Variants in EVA1C observed in about 807,000 individuals in gnomAD.
EVA1C encodes the protein protein eva-1 homolog C.
EVA1C carries 25 observed loss-of-function variants against 45.4 expected under a neutral mutation model. That is an observed-to-expected ratio of 0.55 (90% CI 0.40 to 0.77). The LOEUF (loss-of-function observed/expected upper bound fraction) is 0.77. Ranked by LOEUF, EVA1C falls within the 30% of genes least tolerant of loss-of-function variation. The pLI, the probability that EVA1C is intolerant of heterozygous loss-of-function variation, is 0.00. For synonymous variants in EVA1C, 190 were observed against 221.2 expected (o/e 0.86, Z 1.25); for missense variants, 479 against 554.8 (o/e 0.86, Z 1.37).
At chr21:32,469,680 A>C (rs1246339786) in intron 4 of EVA1C, among the ~76,000 whole-genome samples, 1 of 152,132 alleles carries the variant, frequency 6.6e-6, no homozygotes, top group East Asian at 1.9e-4. Context: ...GAGACCCAGG[A>C]AAGAGTTGAG....
At chr21:32,512,773 C>T (rs2037998379) in intron 7 of EVA1C, among the ~76,000 whole-genome samples, 1 of 152,072 alleles carries the variant, frequency 6.6e-6, no homozygotes, top group Non-Finnish European at 1.5e-5. Flanking sequence ...TTTTCCAAGA[C>T]AGAGAAGTTG....
chr21:32,460,644 C>T (rs756129995), intron 3 of EVA1C, among the ~76,000 whole-genome samples: 11 of 152,096 alleles, frequency 7.2e-5, no homozygotes, highest in South Asian at 2.1e-4. Context: ...CATCCAGTCC[C>T]GTGGGGCCTG....
intron 1 of EVA1C, among the ~76,000 whole-genome samples, chr21:32,435,781 T>G (rs754255141): frequency 3.3e-5 from 5 of 152,294 alleles, no homozygotes; most frequent in Non-Finnish European, 7.3e-5. Context: ...TAAAGCATTT[T>G]CTTTCTTCTG....
At position 32,465,652 on chromosome 21, in the gene EVA1C, C is replaced by A. The variant is rs139196188; in HGVS notation, c.482-2044C>A. On this transcript the variant is annotated intron_variant, in intron 3 of 7. Coordinates refer to ENST00000300255, the MANE Select transcript of EVA1C (RefSeq NM_058187.5). ...AGCTGGGATTACAGGCACCCAACAC[C>A]ACGCCTGGCTAATTTTTGTAGTTTT... 2.0e-5 allele frequency among the ~76,000 whole-genome samples: 3 copies of A among 152,118 alleles called. No homozygotes were observed. The East Asian group carries it at 5.8e-4, about 29-fold the overall frequency.
chr21:32,450,715 T>G (rs2035549355), intron 1 of EVA1C, among the ~76,000 whole-genome samples: 1 of 151,802 alleles, frequency 6.6e-6, no homozygotes. Flanking sequence ...TCAGTACTCA[T>G]TGTTTTATGA....
Position 32,495,029 on chromosome 21 carries a change from T to G in EVA1C, c.637T>G (p.Cys213Gly). ...TCTGGGTGTTTCCTGCCTTTCAGATTGCTTGTCTTACTCAGCTTTGCAAGT... is the reference window on the plus strand; with the variant it reads ...TCTGGGTGTTTCCTGCCTTTCAGATGGCTTGTCTTACTCAGCTTTGCAAGT... ...SKAERLPPFD[C>G]LSYSALQVLS... Residue 213 changes from cysteine to glycine, a missense_variant and splice_region_variant, in exon 5 of 8, where the codon TGC becomes GGC. Physicochemically the swap from Cys to Gly is radical, Grantham distance 159 (BLOSUM62 -3). Coordinates refer to ENST00000300255, the MANE Select transcript of EVA1C (RefSeq NM_058187.5). The G allele has an allele frequency of 6.2e-7, 1 of 1,613,956 alleles. No individual in the cohort carries two copies. Among genetic ancestry groups the G allele is most frequent in the South Asian group, 1.1e-5 (1 of 91,070 alleles).
intron 1 of EVA1C, among the ~76,000 whole-genome samples, chr21:32,439,158 T>A (rs2035077545): frequency 6.8e-6 from 1 of 147,412 alleles, no homozygotes; most frequent in Non-Finnish European, 1.5e-5. Flanking sequence ...GAGAATCACT[T>A]GAACCCAGGA....
At chr21:32,482,869 T>C (rs1363120617) in intron 4 of EVA1C, among the ~76,000 whole-genome samples, 11 of 2,544 alleles carry the variant, frequency 4.3e-3, no homozygotes, top group Non-Finnish European at 7.8e-3. Flanking sequence ...TTTTTTTTTT[T>C]TTTTTTGGAG....
At chr21:32,510,198 G>A (rs374576375) in intron 7 of EVA1C, among the ~76,000 whole-genome samples, 26 of 151,848 alleles carry the variant, frequency 1.7e-4, no homozygotes, top group Non-Finnish European at 2.1e-4. Context: ...ACAGGCGCAC[G>A]CCACCACCCC....
intron 1 of EVA1C, among the ~76,000 whole-genome samples, chr21:32,426,113 C>T (rs1343863389): frequency 6.6e-6 from 1 of 152,154 alleles, no homozygotes; most frequent in African/African-American, 2.4e-5. Context: ...CTGTGCTTCT[C>T]CACCCTCTCT....
chr21:32,501,984 TTTTCTTTCTTTCTTTCTTTCTTTCTTTC>T (rs563785580), intron 6 of EVA1C, among the ~76,000 whole-genome samples: 1,638 of 120,534 alleles, frequency 0.014, 22 homozygotes, highest in African/African-American at 0.035. Context: ...TCTCTCGCTC[TTTTCTTTCTTTCTTTCTTTCTTTCTTTC>T]TTTCTTTCTT....
chr21:32,425,047 A>G (rs374594345), intron 1 of EVA1C, among the ~76,000 whole-genome samples: 1 of 152,030 alleles, frequency 6.6e-6, no homozygotes, highest in South Asian at 2.1e-4. Context: ...GCAGTGGCTC[A>G]CACCTGTAAT....
Position 32,469,421 on chromosome 21 carries a change from C to T in EVA1C, c.634+1573C>T, listed in dbSNP as rs956470844. Among the ~76,000 whole-genome samples, 12 of 152,098 alleles carry T rather than the reference C, an allele frequency of 7.9e-5. No homozygotes were observed. In the South Asian group the frequency reaches 8.3e-4, roughly 11 times the overall value. ...GTGTCCAGGTAGAGAGAAGAGTGGA[C>T]GCAACGCCCTGAGGCTGGACTGTAG... On this transcript the variant is annotated intron_variant, in intron 4 of 7. Coordinates refer to ENST00000300255, the MANE Select transcript of EVA1C (RefSeq NM_058187.5).
intron 4 of EVA1C, among the ~76,000 whole-genome samples, chr21:32,468,575 G>A (rs1243585664): frequency 3.3e-5 from 5 of 152,040 alleles, no homozygotes; most frequent in African/African-American, 1.2e-4. Context: ...TCTGCAAGCT[G>A]AGGAGCAAGG....
chr21:32,421,035 A>G (rs2146112537), intron 1 of EVA1C, among the ~76,000 whole-genome samples: 1 of 152,366 alleles, frequency 6.6e-6, no homozygotes, highest in East Asian at 1.9e-4. Flanking sequence ...ATCTAGCCTC[A>G]AAGAACTGAT....
chr21:32,513,495 TTAA>T lies in EVA1C; in HGVS notation c.950-1316_950-1314del, dbSNP rs202055272. On this transcript the variant is annotated intron_variant, in intron 7 of 7. Coordinates refer to ENST00000300255, the MANE Select transcript of EVA1C (RefSeq NM_058187.5). ...TGCCCGGCCAATACTTATTATATTA[TTAA>T]TATTTATAAATAATATACATATTTA... 1.1e-3 allele frequency among the ~76,000 whole-genome samples: 167 copies of T among 147,436 alleles called. No individual in the cohort carries two copies. In the East Asian group the frequency reaches 0.028, roughly 25 times the overall value.
intron 1 of EVA1C, among the ~76,000 whole-genome samples, chr21:32,442,835 A>G (rs1232404025): frequency 2.6e-5 from 4 of 152,062 alleles, no homozygotes; most frequent in Non-Finnish European, 5.9e-5. Context: ...AGAGTGACTC[A>G]GGCAACGTCA....
chr21:32,507,374 G>A (rs1405516230), intron 7 of EVA1C, among the ~76,000 whole-genome samples: 1 of 151,148 alleles, frequency 6.6e-6, no homozygotes, highest in Admixed American at 6.6e-5. Context: ...GCATGTGTGT[G>A]TGCATGTGTG....
chr21:32,461,262 C>T (rs763615411), intron 3 of EVA1C, among the ~76,000 whole-genome samples: 5 of 152,198 alleles, frequency 3.3e-5, no homozygotes, highest in Non-Finnish European at 5.9e-5. Context: ...GAGTAGGGAT[C>T]CTGAGTCCTC....
Sources: allele counts gnomAD v4.1 joint callset (sites outside exome capture counted in the v4.1 genomes callset), GRCh38; gene constraint gnomAD v4.1.1; transcripts MANE v1.5; gene names NCBI Gene and HGNC (gene_info 2026-07-23, HGNC 2026-07-21).